The following SELE variants were observed in gnomAD, a reference collection of about 807,000 sequenced individuals.
SELE encodes the protein E-selectin.
In SELE, 52 loss-of-function variants were observed where a neutral mutation model predicts 75.8. That is an observed-to-expected ratio of 0.69 (90% CI 0.55 to 0.86). SELE has a LOEUF of 0.86. SELE is among the 40% of genes least tolerant of loss of function. The probability of loss-of-function intolerance (pLI) is 0.00; values close to 1 mark genes in which losing one functional copy is unlikely to be tolerated. For synonymous variants in SELE, 285 were observed against 258.7 expected (o/e 1.10, Z -0.98); for missense variants, 754 against 732.7 (o/e 1.03, Z -0.34).
rs1648820996 is a variant in SELE at position 169,728,098 on chromosome 1, G to GC, written c.1238dup (p.Thr415HisfsTer12). On this transcript the variant is annotated frameshift_variant, in exon 8 of 14. Transcript: ENST00000333360. LOFTEE classifies it high-confidence loss of function. ...TCTCGTTGTCCCACTCCCCTGTGGG[G>GC]CCACATTGGAGCCTTTTGGATCCCT... The GC allele has an allele frequency of 6.2e-7, 1 of 1,614,042 alleles. No individual in the cohort carries two copies.
Position 169,727,938 on chromosome 1 carries a change from C to CT in SELE, c.1280-12_1280-11insA. 6.2e-7 allele frequency: 1 copy of CT among 1,608,850 alleles called. No homozygotes were observed. On this transcript the variant is annotated splice_polypyrimidine_tract_variant and intron_variant, in intron 8 of 13. Transcript: ENST00000333360. Reference sequence around the variant, plus strand: ...CATCGCATCTCACAGCTGGAACACACGAGAGAGCACTTTAGAAGTTTGTTT... The same window carrying CT: ...CATCGCATCTCACAGCTGGAACACACTGAGAGAGCACTTTAGAAGTTTGTTT...
intron 11 of SELE, among the ~76,000 whole-genome samples, chr1:169,726,154 C>T (rs143505200): frequency 6.4e-4 from 97 of 152,268 alleles, no homozygotes; most frequent in African/African-American, 1.9e-3. Context: ...CAAATAGCTA[C>T]GGGGTCATCT....
At chr1:169,732,408 A>T (rs12239782) in intron 3 of SELE, among the ~76,000 whole-genome samples, 41 of 147,706 alleles carry the variant, frequency 2.8e-4, no homozygotes, top group South Asian at 2.2e-4. Context: ...GTGTGTGTGT[A>T]TATATGTGTG....
At chr1:169,725,677 G>T in intron 13 of SELE, 52 bp downstream of exon 13, 1 of 1,461,286 alleles carries the variant, frequency 6.8e-7, no homozygotes, top group Non-Finnish European at 9.6e-7. Flanking sequence ...GAGAAACAGA[G>T]CATGTAGAGA....
At position 169,726,705 on chromosome 1, in the gene SELE, G is replaced by A. The variant is rs779327316; in HGVS notation, c.1747C>T (p.Arg583Trp). 1.1e-5 allele frequency: 18 copies of A among 1,608,952 alleles called. No individual in the cohort carries two copies. Among genetic ancestry groups the A allele is most frequent in the Admixed American group, 1.7e-5 (1 of 59,930 alleles). Residue 583 changes from arginine (R) to tryptophan (W), a missense_variant, in exon 11 of 14, where the codon CGG (arginine) becomes TGG (tryptophan). Physicochemically the swap from Arg to Trp is moderately radical, Grantham distance 101. Transcript: ENST00000333360. ...PFLLWLRKCLRKAKKFVPASS... is the reference protein window; with the variant it reads ...PFLLWLRKCLWKAKKFVPASS... The stretch of plus-strand genomic sequence containing the variant: ...CATTCATAAACTTCCTCACCTTTCC[G>A]TAAGCATTTCCGAAGCCAGAGGAGA...
rs758345921 is a variant in SELE at position 169,728,140 on chromosome 1, C to T, written c.1197G>A (p.Glu399=). The change falls in exon 8 of 14, where the codon GAG becomes GAA. Residue 399 remains glutamate (E), a synonymous_variant. Coordinates refer to ENST00000333360, the MANE Select transcript of SELE (RefSeq NM_000450.2). Reference sequence around the variant, plus strand: ...TGGATCCCTTCAACACAAAACCCTGCTCACAGGAGAACTCACAGCTGGACC... The same window carrying T: ...TGGATCCCTTCAACACAAAACCCTGTTCACAGGAGAACTCACAGCTGGACC... ...RYGSSCEFSC[E]QGFVLKGSKR... 1 of 1,614,216 alleles carries T rather than the reference C, an allele frequency of 6.2e-7. No homozygotes were observed. The highest frequency in any genetic ancestry group is 1.7e-5 in the Admixed American group (1 of 60,032).
At chr1:169,729,096 T>C (rs910427219) in intron 7 of SELE, 90 bp downstream of exon 7, 19 of 1,169,626 alleles carry the variant, frequency 1.6e-5, no homozygotes, top group Non-Finnish European at 2.2e-5. Context: ...ATTTCTATAG[T>C]TAAAGTGGGT....
chr1:169,733,509 G>C, intron 2 of SELE, 67 bp downstream of exon 2: 2 of 1,470,058 alleles, frequency 1.4e-6, no homozygotes, highest in Non-Finnish European at 1.9e-6. Context: ...AGACAAGCAA[G>C]GATATTTCAG....
rs1648661570 is a variant in SELE, at chr1:169,722,956, C to T, written c.*1569G>A. On this transcript the variant is annotated 3_prime_UTR_variant, in exon 14 of 14. Coordinates refer to ENST00000333360, the MANE Select transcript of SELE (RefSeq NM_000450.2). ...TTAAAAGAACCTCTGCTGTTCTGAT[C>T]CTTATCACATCTCTGTTTTGACTGT... 2 of 152,186 alleles carry T rather than the reference C, an allele frequency of 1.3e-5. No individual in the cohort carries two copies. Among genetic ancestry groups the T allele is most frequent in the African/African-American group, 4.8e-5 (2 of 41,456 alleles). 9.4% of individuals were successfully genotyped at this position (152,186 alleles called of 1,614,324 possible).
At chr1:169,730,102 T>A (rs1460935348) in intron 5 of SELE, among the ~76,000 whole-genome samples, 1 of 152,132 alleles carries the variant, frequency 6.6e-6, no homozygotes, top group Non-Finnish European at 1.5e-5. Context: ...ACTATCATGG[T>A]CTTAAGTTAG....
intron 5 of SELE, 56 bp from the exon 6 acceptor site, chr1:169,729,729 T>A (rs1419767429): frequency 6.4e-7 from 1 of 1,562,772 alleles, no homozygotes; most frequent in Non-Finnish European, 8.8e-7. Context: ...TTTCACTTCC[T>A]ATTGAGCTGG....
intron 10 of SELE, 95 bp from the exon 11 acceptor site, chr1:169,726,901 A>C: frequency 1.2e-6 from 1 of 800,764 alleles, no homozygotes; most frequent in Non-Finnish European, 2.1e-6. Flanking sequence ...TACATTCATT[A>C]CTAGGAGCAG....
At chr1:169,731,993 G>A in intron 3 of SELE, 51 bp from the exon 4 acceptor site, 1 of 1,172,538 alleles carries the variant, frequency 8.5e-7, no homozygotes, top group Non-Finnish European at 1.3e-6. Context: ...TGCTTATACT[G>A]AGTGCCTTTG....
intron 13 of SELE, among the ~76,000 whole-genome samples, 194 bp from the exon 14 acceptor site, chr1:169,724,703 C>G (rs947766031): frequency 5.9e-5 from 9 of 152,138 alleles, no homozygotes; most frequent in African/African-American, 2.2e-4. Context: ...TACAACACAG[C>G]ACAGAGTGAA....
At position 169,726,796 on chromosome 1, in the gene SELE, C is replaced by T. The variant is rs1357361938; in HGVS notation, c.1656G>A (p.Glu552=). The change falls in exon 11 of 14, where the codon GAG becomes GAA. Residue 552 remains glutamate (E), a synonymous_variant. Coordinates refer to ENST00000333360, the MANE Select transcript of SELE (RefSeq NM_000450.2). ...GLLPTCEAPT[E]SNIPLVAGLS... The stretch of plus-strand genomic sequence containing the variant: ...GTCCAGCTACCAAGGGAATGTTGGA[C>T]TCAGTGGGAGCTAAGGAAGTAAGAG... 1.9e-6 allele frequency: 3 copies of T among 1,611,946 alleles called. No homozygotes were observed. The East Asian group carries it at 6.7e-5, about 36-fold the overall frequency.
Position 169,729,544 on chromosome 1 carries a change from T to TG in SELE, c.844dup (p.Gln282ProfsTer19), listed in dbSNP as rs1432936711. On this transcript the variant is annotated frameshift_variant, in exon 6 of 14. Coordinates refer to ENST00000333360, the MANE Select transcript of SELE (RefSeq NM_000450.2). LOFTEE classifies it high-confidence loss of function. ...CCCAGATGAGGTACACTGAAGGCTC[T>TG]GGGCTCCCATTAGTTCAAATCCTTC... 6.2e-7 allele frequency: 1 copy of TG among 1,614,102 alleles called. No homozygotes were observed. The highest frequency in any genetic ancestry group is 1.3e-5 in the African/African-American group (1 of 74,942).
chr1:169,727,313 TAA>T, intron 10 of SELE, 34 bp downstream of exon 10: 1 of 1,580,706 alleles, frequency 6.3e-7, no homozygotes, highest in Admixed American at 1.8e-5. Context: ...TTTTTCTTTT[TAA>T]TCACCAGACA....
rs1456356431 is a variant in SELE at position 169,732,727 on chromosome 1, G to A, written c.309C>T (p.Asn103=). 1 of 1,613,924 alleles carries A rather than the reference G, an allele frequency of 6.2e-7. No individual in the cohort carries two copies. Among genetic ancestry groups the A allele is most frequent in the South Asian group, 1.1e-5 (1 of 91,078 alleles). The change falls in exon 3 of 14, where the codon AAC becomes AAT. Residue 103 remains asparagine, a synonymous_variant. Coordinates refer to ENST00000333360, the MANE Select transcript of SELE (RefSeq NM_000450.2). ...CGCAGTCCTCATCTTTTTGCCTATT[G>A]TTGGGTTCACCTGGAGCCCAGTTCT... ...EAKNWAPGEP[N]NRQKDEDCVE... is the part of the protein sequence containing the mutation.
At chr1:169,727,598 C>A (rs1386850576) in intron 9 of SELE, 73 bp from the exon 10 acceptor site, 1 of 1,564,728 alleles carries the variant, frequency 6.4e-7, no homozygotes, top group African/African-American at 1.4e-5. Flanking sequence ...GCTTAAAAGT[C>A]AACAATGAAT....
Sources: allele counts gnomAD v4.1 joint callset (sites outside exome capture counted in the v4.1 genomes callset), GRCh38; gene constraint gnomAD v4.1.1; transcripts MANE v1.5; gene names NCBI Gene and HGNC (gene_info 2026-07-23, HGNC 2026-07-21).